The following DOCK1 variants were observed in gnomAD, a reference collection of about 807,000 sequenced individuals.
DOCK1 encodes dedicator of cytokinesis protein 1.
Under a neutral mutation model 262.7 loss-of-function variants are expected in DOCK1, and 138 were observed. The ratio of observed to expected loss-of-function variants is 0.53; its 90% CI spans 0.46 to 0.61. DOCK1 has a LOEUF of 0.61. Among genes scored for constraint, DOCK1 ranks in the 20% least tolerant of loss-of-function variants. The pLI is 0.00. For missense variants in DOCK1, 1,908 were observed against 2,370.7 expected, an observed-to-expected ratio of 0.80 and a Z score of 4.05; for synonymous variants, 866 against 867.4, an observed-to-expected ratio of 1.00 and a Z score of 0.03.
At chr10:127,343,574 G>T in intron 30 of DOCK1, 72 bp from the exon 31 acceptor site, 2 of 1,178,302 alleles carry the variant, frequency 1.7e-6, no homozygotes, top group South Asian at 1.4e-5. Context: ...AATGATAAAT[G>T]TCTGAGAGCA....
chr10:126,936,451 A>T (rs1309612217), intron 1 of DOCK1, among the ~76,000 whole-genome samples: 3 of 152,220 alleles, frequency 2.0e-5, no homozygotes, highest in Admixed American at 2.0e-4. Flanking sequence ...TTATTTATAG[A>T]CAGTGAAATT....
intron 29 of DOCK1, among the ~76,000 whole-genome samples, chr10:127,295,388 C>T (rs1035940391): frequency 6.6e-6 from 1 of 152,056 alleles, no homozygotes; most frequent in South Asian, 2.1e-4. Flanking sequence ...GGGAAGGCAC[C>T]AAGTTATTCA....
chr10:126,986,847 T>A (rs576084521), intron 4 of DOCK1, among the ~76,000 whole-genome samples: 109 of 152,104 alleles, frequency 7.2e-4, no homozygotes, highest in Non-Finnish European at 3.4e-4. Context: ...GAGGCAGAGA[T>A]TGCAGTGAGC....
intron 1 of DOCK1, among the ~76,000 whole-genome samples, chr10:126,920,668 A>G (rs922798418): frequency 2.0e-5 from 3 of 152,268 alleles, no homozygotes; most frequent in African/African-American, 7.2e-5. Context: ...AGAGATCTAG[A>G]AAATAAATAC....
At chr10:127,121,981 G>A (rs2049612243) in intron 25 of DOCK1, among the ~76,000 whole-genome samples, 1 of 152,172 alleles carries the variant, frequency 6.6e-6, no homozygotes, top group Non-Finnish European at 1.5e-5. Flanking sequence ...AAGAAAAATA[G>A]GAAGGCTTCT....
intron 23 of DOCK1, among the ~76,000 whole-genome samples, chr10:127,105,145 C>A (rs2048459492): frequency 1.3e-5 from 2 of 152,172 alleles, no homozygotes; most frequent in South Asian, 4.1e-4. Flanking sequence ...TGCCTGCTGC[C>A]ATGTAAGATG....
chr10:127,107,250 G>A (rs2048586887), intron 24 of DOCK1, among the ~76,000 whole-genome samples: 1 of 151,944 alleles, frequency 6.6e-6, no homozygotes, highest in Non-Finnish European at 1.5e-5. Context: ...GGCCAATGAA[G>A]CCCTCCTAAA....
intron 21 of DOCK1, among the ~76,000 whole-genome samples, chr10:127,047,007 G>A (rs1266610046): frequency 6.6e-6 from 1 of 152,098 alleles, no homozygotes; most frequent in Non-Finnish European, 1.5e-5. Flanking sequence ...TGTTGGATGC[G>A]TAAGATGTTG....
chr10:127,093,242 C>CTTTTT (rs200302331), intron 23 of DOCK1, among the ~76,000 whole-genome samples: 34 of 79,340 alleles, frequency 4.3e-4, no homozygotes, highest in African/African-American at 9.3e-4. Context: ...TTTCTTTCTT[C>CTTTTT]TTTTTTTTTT....
chr10:127,447,131 G>T (rs1463969170), intron 50 of DOCK1, among the ~76,000 whole-genome samples: 1 of 152,146 alleles, frequency 6.6e-6, no homozygotes, highest in Non-Finnish European at 1.5e-5. Context: ...TTCTACAGTG[G>T]CTCGATGCCT....
chr10:127,410,113 G>A (rs888018004), intron 42 of DOCK1, among the ~76,000 whole-genome samples: 1 of 152,212 alleles, frequency 6.6e-6, no homozygotes, highest in African/African-American at 2.4e-5. Flanking sequence ...TTTGCTTCCT[G>A]AAGTTTGGTG....
intron 27 of DOCK1, among the ~76,000 whole-genome samples, chr10:127,178,503 A>T (rs2055397300): frequency 6.6e-6 from 1 of 152,306 alleles, no homozygotes; most frequent in African/African-American, 2.4e-5. Flanking sequence ...CCATTACCAG[A>T]TGAGCCTGGG....
intron 27 of DOCK1, among the ~76,000 whole-genome samples, chr10:127,207,705 C>T (rs1254453358): frequency 6.6e-6 from 1 of 152,126 alleles, no homozygotes; most frequent in Non-Finnish European, 1.5e-5. Context: ...GCCATAACAT[C>T]GTAACATTTC....
At chr10:127,312,207 G>A (rs1729929556) in intron 29 of DOCK1, among the ~76,000 whole-genome samples, 1 of 152,156 alleles carries the variant, frequency 6.6e-6, no homozygotes, top group Admixed American at 6.5e-5. Context: ...AAGAGAATTG[G>A]GGCTATTAAA....
At chr10:127,313,207 G>T (rs1169885090) in intron 29 of DOCK1, among the ~76,000 whole-genome samples, 1 of 152,050 alleles carries the variant, frequency 6.6e-6, no homozygotes, top group African/African-American at 2.4e-5. Context: ...TTTCCATGAG[G>T]CACCATGGGC....
intron 40 of DOCK1, among the ~76,000 whole-genome samples, chr10:127,407,142 C>G (rs187662025): frequency 2.0e-5 from 3 of 151,748 alleles, no homozygotes; most frequent in Middle Eastern, 3.2e-3. Context: ...CTTTTTTTAG[C>G]GATTTAGGAG....
At chr10:127,137,737 G>A in intron 27 of DOCK1, 1 of 1,112,996 alleles carries the variant, frequency 9.0e-7, no homozygotes, top group East Asian at 2.4e-5. Context: ...GTGCCTGAAT[G>A]GGCACCACAG....
In DOCK1 at chr10:127,012,428, A is replaced by G. The variant is rs2041529658; in HGVS notation, c.1201+54A>G. On this transcript the variant is annotated intron_variant, in intron 12 of 51. Transcript: ENST00000623213. The surrounding 1 kb of genome is among the most constrained non-coding windows in gnomAD (Gnocchi z 4.0). ...AGCGTGTATTTGCATGCGTTGGGGC[A>G]GTGCTGTCTGGGTTGGTTTTAGTTT... 1.9e-6 allele frequency: 3 copies of G among 1,555,908 alleles called. No individual in the cohort carries two copies. The highest frequency in any genetic ancestry group is 2.7e-6 in the Non-Finnish European group (3 of 1,130,702).
At chr10:127,237,374 A>AAAC (rs2059111534) in intron 27 of DOCK1, among the ~76,000 whole-genome samples, 1 of 151,506 alleles carries the variant, frequency 6.6e-6, no homozygotes, top group Non-Finnish European at 1.5e-5. Flanking sequence ...AAAAAAAAAA[A>AAAC]AAAAGACAAA....
Sources: allele counts gnomAD v4.1 joint callset (sites outside exome capture counted in the v4.1 genomes callset), GRCh38; gene constraint gnomAD v4.1.1; non-coding constraint Gnocchi (gnomAD v3.1); transcripts MANE v1.5; gene names NCBI Gene and HGNC (gene_info 2026-07-23, HGNC 2026-07-21).